Variants in NFKB1 observed in about 807,000 individuals in gnomAD.
NFKB1 encodes the protein nuclear factor NF-kappa-B p105 subunit.
Under a neutral mutation model 105.1 loss-of-function variants are expected in NFKB1, and 9 were observed. The observed-to-expected ratio is 0.09, with a 90% CI of 0.05 to 0.15. The LOEUF (loss-of-function observed/expected upper bound fraction) is 0.15. Among genes scored for constraint, NFKB1 ranks in the 10% least tolerant of loss-of-function variants. The pLI is 1.00. For synonymous variants in NFKB1, 440 were observed against 442.2 expected, an observed-to-expected ratio of 1.00 and a Z score of 0.06; for missense variants, 830 against 1,203.7, an observed-to-expected ratio of 0.69 and a Z score of 4.59.
intron 14 of NFKB1, among the ~76,000 whole-genome samples, chr4:102,596,934 A>G (rs1346074801): frequency 6.6e-6 from 1 of 151,758 alleles, no homozygotes; most frequent in Non-Finnish European, 1.5e-5. Context: ...TTTTTTTTAC[A>G]CCCCTTTAAA....
chr4:102,594,600 C>A (rs1017302138), intron 12 of NFKB1, among the ~76,000 whole-genome samples: 3 of 152,094 alleles, frequency 2.0e-5, no homozygotes, highest in South Asian at 2.1e-4. Context: ...GTTGGTGACC[C>A]TCACTATTAG....
intron 1 of NFKB1, chr4:102,502,177 T>C (rs917225266): frequency 1.3e-5 from 2 of 152,422 alleles, no homozygotes; most frequent in Admixed American, 6.5e-5. Flanking sequence ...GGGAAGGTGG[T>C]TGGTGCAGTG....
rs767638485 is a variant in NFKB1 at position 102,567,139 on chromosome 4, A to C, written c.407+4A>C. 8.7e-6 allele frequency: 14 copies of C among 1,613,274 alleles called. No homozygotes were observed. Among genetic ancestry groups the C allele is most frequent in the Non-Finnish European group, 1.2e-5 (14 of 1,179,454 alleles). ...GACCCAAGGACATGGTGGTCGGGTA[A>C]GTAGGGGTATATGATGCTGTGGAAG... On this transcript the variant is annotated splice_donor_region_variant and intron_variant, in intron 6 of 23. Transcript: ENST00000226574.
chr4:102,504,422 G>T lies in NFKB1; in HGVS notation c.-8+2634G>T, dbSNP rs115417334. Among the ~76,000 whole-genome samples the T allele has an allele frequency of 3.4e-3, 519 of 152,268 alleles. 3 individuals carry two copies. Among genetic ancestry groups the T allele is most frequent in the African/African-American group, 0.012 (495 of 41,542 alleles). ...TCATTAATTTTCTTACTTTTAGTAG[G>T]AAGTTTGTTTTATTCGGTTGGTCTG... On this transcript the variant is annotated intron_variant, in intron 1 of 23. Transcript: ENST00000226574.
chr4:102,570,100 C>T (rs191563054), intron 6 of NFKB1, among the ~76,000 whole-genome samples: 2 of 152,252 alleles, frequency 1.3e-5, no homozygotes, highest in Non-Finnish European at 2.9e-5. Flanking sequence ...CCAGTAATCA[C>T]CACACTCTCT....
chr4:102,611,095 C>G (rs1487891460), intron 20 of NFKB1, among the ~76,000 whole-genome samples: 1 of 152,136 alleles, frequency 6.6e-6, no homozygotes, highest in East Asian at 1.9e-4. Context: ...ACTAAGAATT[C>G]TTCTTAGAAT....
At chr4:102,562,995 T>G (rs571133885) in intron 5 of NFKB1, among the ~76,000 whole-genome samples, 127 of 152,304 alleles carry the variant, frequency 8.3e-4, no homozygotes, top group African/African-American at 2.9e-3. Flanking sequence ...CCAAAGTGAT[T>G]TGGCTGAATT....
intron 6 of NFKB1, among the ~76,000 whole-genome samples, chr4:102,573,776 A>G (rs1362887095): frequency 1.3e-5 from 2 of 151,930 alleles, no homozygotes; most frequent in Admixed American, 1.3e-4. Flanking sequence ...CTGTGTCTGC[A>G]CGTTCACCAA....
chr4:102,507,730 G>T (rs992485654), intron 1 of NFKB1, among the ~76,000 whole-genome samples: 2 of 152,138 alleles, frequency 1.3e-5, no homozygotes, highest in African/African-American at 4.8e-5. Flanking sequence ...ATTTTAAAAA[G>T]CAATTTGTTT....
chr4:102,520,198 G>A (rs997179503), intron 1 of NFKB1, among the ~76,000 whole-genome samples: 5 of 152,186 alleles, frequency 3.3e-5, no homozygotes, highest in African/African-American at 9.6e-5. Context: ...GTGACACATA[G>A]CCAGCCACCT....
At chr4:102,578,447 G>A (rs750823330) in intron 7 of NFKB1, 9 of 181,494 alleles carry the variant, frequency 5.0e-5, no homozygotes, top group Non-Finnish European at 9.1e-5. Flanking sequence ...GTGCCAGGCT[G>A]TCTGCTTGGC....
At chr4:102,597,442 C>A in intron 14 of NFKB1, 78 bp from the exon 15 acceptor site, 1 of 1,396,292 alleles carries the variant, frequency 7.2e-7, no homozygotes, top group Non-Finnish European at 9.7e-7. Flanking sequence ...TGATGCTGGT[C>A]AGTTTGTCCT....
chr4:102,511,985 C>T (rs111706315), intron 1 of NFKB1, among the ~76,000 whole-genome samples: 10 of 152,274 alleles, frequency 6.6e-5, no homozygotes, highest in African/African-American at 1.7e-4. Context: ...GACAATGGAG[C>T]GTTGACTGAA....
At chr4:102,578,651 AAG>A (rs1378395473) in intron 7 of NFKB1, 35 of 525,224 alleles carry the variant, frequency 6.7e-5, no homozygotes, top group Non-Finnish European at 1.1e-4. Context: ...TGATACACGG[AAG>A]AGAGTTTTTA....
intron 1 of NFKB1, among the ~76,000 whole-genome samples, chr4:102,507,769 T>C (rs978314057): frequency 1.3e-5 from 2 of 152,220 alleles, no homozygotes; most frequent in African/African-American, 4.8e-5. Flanking sequence ...TAAAAGCAGT[T>C]ATTTCAAAAA....
chr4:102,606,168 A>G (rs1727701570), intron 16 of NFKB1, among the ~76,000 whole-genome samples: 1 of 152,222 alleles, frequency 6.6e-6, no homozygotes, highest in Non-Finnish European at 1.5e-5. Flanking sequence ...ACTTAGCCTG[A>G]TTTAATCATT....
At chr4:102,518,415 T>C (rs1740343952) in intron 1 of NFKB1, among the ~76,000 whole-genome samples, 1 of 152,110 alleles carries the variant, frequency 6.6e-6, no homozygotes, top group South Asian at 2.1e-4. Flanking sequence ...AAAAAATGAG[T>C]ACAAAGTGGG....
At chr4:102,532,948 T>C (rs908970098) in intron 3 of NFKB1, among the ~76,000 whole-genome samples, 2 of 152,326 alleles carry the variant, frequency 1.3e-5, no homozygotes, top group South Asian at 2.1e-4. Flanking sequence ...TTTGTACTTA[T>C]GTTGTCAGAG....
At chr4:102,588,037 A>G (rs1209128819) in intron 11 of NFKB1, among the ~76,000 whole-genome samples, 3 of 152,078 alleles carry the variant, frequency 2.0e-5, no homozygotes, top group Non-Finnish European at 4.4e-5. Flanking sequence ...CATTATTTTT[A>G]TCAATATGTA....
Sources: allele counts gnomAD v4.1 joint callset (sites outside exome capture counted in the v4.1 genomes callset), GRCh38; gene constraint gnomAD v4.1.1; transcripts MANE v1.5; gene names NCBI Gene and HGNC (gene_info 2026-07-23, HGNC 2026-07-21).